Variants in SYT1 observed in about 807,000 individuals in gnomAD.
SYT1 encodes synaptotagmin 1.
A neutral mutation model predicts 44.8 loss-of-function variants in SYT1; 8 were observed. The ratio of observed to expected loss-of-function variants is 0.18; its 90% CI spans 0.10 to 0.32. SYT1 has a LOEUF of 0.32. Ranked by LOEUF, SYT1 falls within the 10% of genes least tolerant of loss-of-function variation. The probability of loss-of-function intolerance (pLI) is 1.00; values close to 1 mark genes in which losing one functional copy is unlikely to be tolerated. For synonymous variants in SYT1, 154 were observed against 188.8 expected (o/e 0.82, Z 1.51); for missense variants, 286 against 509.3 (o/e 0.56, Z 4.22).
At chr12:79,033,403 T>G (rs1359945062) in intron 2 of SYT1, among the ~76,000 whole-genome samples, 1 of 151,476 alleles carries the variant, frequency 6.6e-6, no homozygotes, top group African/African-American at 2.4e-5. Flanking sequence ...CTCTCAAATA[T>G]AATTACATTA....
In SYT1 at chr12:79,441,270, C is replaced by T. The variant is rs548672958; in HGVS notation, c.929-2803C>T. 3.4e-4 allele frequency among the ~76,000 whole-genome samples: 51 copies of T among 152,220 alleles called. 1 individual carries two copies. Among genetic ancestry groups the T allele is most frequent in the South Asian group, 1.0e-3 (5 of 4,814 alleles). The stretch of plus-strand genomic sequence containing the variant: ...GTTTATAGCAGTTCCAAACCTGCTC[C>T]GCTTTCAGCCCTGTTTTGTTGTTGT... On this transcript the variant is annotated intron_variant, in intron 9 of 10. Coordinates refer to ENST00000261205, the MANE Select transcript of SYT1 (RefSeq NM_005639.3).
chr12:79,026,665 TTTTATATATATATA>T (rs1872545730), intron 2 of SYT1, among the ~76,000 whole-genome samples: 2 of 67,410 alleles, frequency 3.0e-5, no homozygotes, highest in Admixed American at 3.5e-4. Flanking sequence ...TACATATATA[TTTTATATATATATA>T]TATATATATA....
intron 3 of SYT1, among the ~76,000 whole-genome samples, chr12:79,139,088 C>T (rs1022234672): frequency 1.3e-5 from 2 of 152,174 alleles, no homozygotes; most frequent in Non-Finnish European, 2.9e-5. Flanking sequence ...ACACATGTCC[C>T]GTAGCTCTGG....
chr12:79,251,505 G>A (rs563552688), intron 4 of SYT1, among the ~76,000 whole-genome samples: 11 of 152,242 alleles, frequency 7.2e-5, no homozygotes, highest in East Asian at 1.9e-4. Flanking sequence ...GTCAACAAGC[G>A]CAGGTAGCAA....
chr12:79,309,448 T>C (rs1373216817), intron 8 of SYT1, among the ~76,000 whole-genome samples: 3 of 152,108 alleles, frequency 2.0e-5, no homozygotes, highest in African/African-American at 7.2e-5. Context: ...TGGTACAACA[T>C]GAAAGATTAG....
At chr12:79,028,216 T>G (rs1412233678) in intron 2 of SYT1, among the ~76,000 whole-genome samples, 2 of 151,398 alleles carry the variant, frequency 1.3e-5, no homozygotes, top group Non-Finnish European at 3.0e-5. Context: ...GTCTGTCGAG[T>G]TATTTTTTGT....
intron 9 of SYT1, among the ~76,000 whole-genome samples, chr12:79,411,297 A>C (rs1868414725): frequency 1.3e-5 from 2 of 152,260 alleles, no homozygotes; most frequent in Non-Finnish European, 1.5e-5. Context: ...TCCTTTACTG[A>C]AAGTCCCACA....
intron 1 of SYT1, among the ~76,000 whole-genome samples, chr12:78,934,454 C>T (rs1484808233): frequency 6.6e-6 from 1 of 152,028 alleles, no homozygotes; most frequent in Non-Finnish European, 1.5e-5. Flanking sequence ...GGAGGATCAC[C>T]TGAGCCTGTG....
chr12:79,416,973 G>A (rs925455570), intron 9 of SYT1, among the ~76,000 whole-genome samples: 1 of 152,124 alleles, frequency 6.6e-6, no homozygotes, highest in Non-Finnish European at 1.5e-5. Context: ...ATATGTGTGT[G>A]TGTGTGTTTT....
intron 4 of SYT1, among the ~76,000 whole-genome samples, chr12:79,264,544 A>G (rs1421383542): frequency 6.6e-6 from 1 of 152,196 alleles, no homozygotes; most frequent in Non-Finnish European, 1.5e-5. Flanking sequence ...AGCACCCAAA[A>G]GTCTATTGTT....
intron 8 of SYT1, among the ~76,000 whole-genome samples, chr12:79,353,274 A>G (rs2136006818): frequency 6.6e-6 from 1 of 152,220 alleles, no homozygotes; most frequent in East Asian, 1.9e-4. Context: ...ACATTAAAGT[A>G]TAGATGATCT....
At chr12:79,058,910 CT>C (rs1875164125) in intron 3 of SYT1, among the ~76,000 whole-genome samples, 1 of 151,984 alleles carries the variant, frequency 6.6e-6, no homozygotes, top group African/African-American at 2.4e-5. Flanking sequence ...CCCAGTGGGT[CT>C]TGCAAAGCTT....
chr12:79,093,303 A>G (rs1298660992), intron 3 of SYT1, among the ~76,000 whole-genome samples: 1 of 151,802 alleles, frequency 6.6e-6, no homozygotes, highest in East Asian at 1.9e-4. Context: ...ATAAGATCAC[A>G]GGTTACTGTT....
intron 1 of SYT1, among the ~76,000 whole-genome samples, chr12:78,961,474 T>C (rs1463079742): frequency 1.3e-5 from 2 of 152,122 alleles, no homozygotes; most frequent in African/African-American, 4.8e-5. Flanking sequence ...TGTGACCACG[T>C]TCCTATTGAA....
chr12:79,190,213 T>C (rs527326783), intron 3 of SYT1, among the ~76,000 whole-genome samples: 1 of 152,302 alleles, frequency 6.6e-6, no homozygotes. Context: ...ATGATGCATA[T>C]ATATTTTTCA....
intron 9 of SYT1, among the ~76,000 whole-genome samples, chr12:79,364,128 AT>A (rs1352057699): frequency 1.3e-5 from 2 of 152,200 alleles, no homozygotes; most frequent in African/African-American, 4.8e-5. Context: ...TAATAGAAAT[AT>A]CGGCTCATAA....
At chr12:79,247,131 C>T (rs1053520280) in intron 4 of SYT1, among the ~76,000 whole-genome samples, 2 of 152,098 alleles carry the variant, frequency 1.3e-5, no homozygotes, top group South Asian at 2.1e-4. Flanking sequence ...AAGATAATTA[C>T]ATTTAGTGAT....
chr12:79,414,388 G>T (rs1868609301), intron 9 of SYT1, among the ~76,000 whole-genome samples: 1 of 151,960 alleles, frequency 6.6e-6, no homozygotes, highest in Admixed American at 6.6e-5. Flanking sequence ...TTGGCAGGTG[G>T]GGACACATTA....
chr12:79,099,289 C>A (rs1813067889), intron 3 of SYT1, among the ~76,000 whole-genome samples: 1 of 152,068 alleles, frequency 6.6e-6, no homozygotes, highest in Non-Finnish European at 1.5e-5. Context: ...TCAAAAAATC[C>A]ATTTTCCACA....
Sources: allele counts gnomAD v4.1 joint callset (sites outside exome capture counted in the v4.1 genomes callset), GRCh38; gene constraint gnomAD v4.1.1; transcripts MANE v1.5; gene names NCBI Gene and HGNC (gene_info 2026-07-23, HGNC 2026-07-21).